Variants in RALGAPA1 observed in about 807,000 individuals in gnomAD.
The protein encoded by RALGAPA1 is ral GTPase-activating protein subunit alpha-1.
RALGAPA1 carries 52 observed loss-of-function variants against 269.6 expected under a neutral mutation model. The observed-to-expected ratio is 0.19, with a 90% CI of 0.15 to 0.24. The LOEUF (loss-of-function observed/expected upper bound fraction) is 0.24. Ranked by LOEUF, RALGAPA1 falls within the 10% of genes least tolerant of loss-of-function variation. The pLI, the probability that RALGAPA1 is intolerant of heterozygous loss-of-function variation, is 1.00. For synonymous variants in RALGAPA1, 817 were observed against 1,008.3 expected, an observed-to-expected ratio of 0.81 and a Z score of 3.60; for missense variants, 1,917 against 3,013.9, an observed-to-expected ratio of 0.64 and a Z score of 8.52.
In RALGAPA1 at chr14:35,559,958, A is replaced by C. The variant is rs1235160186; in HGVS notation, c.7496+10659T>G. Among the ~76,000 whole-genome samples the C allele has an allele frequency of 2.6e-5, 4 of 152,364 alleles. No homozygotes were observed. In the South Asian group the frequency reaches 8.3e-4, roughly 32 times the overall value. ...CTTTTAAAAATGATACATATGTATAAATACTATCAAACATTTAGAGATCTT... is the reference window on the plus strand; with the variant it reads ...CTTTTAAAAATGATACATATGTATACATACTATCAAACATTTAGAGATCTT... On this transcript the variant is annotated intron_variant, in intron 39 of 41. Coordinates refer to ENST00000680220, the MANE Select transcript of RALGAPA1 (RefSeq NM_001346249.2).
At chr14:35,629,152 T>C (rs1185593102) in intron 33 of RALGAPA1, among the ~76,000 whole-genome samples, 1 of 152,074 alleles carries the variant, frequency 6.6e-6, no homozygotes, top group Non-Finnish European at 1.5e-5. Flanking sequence ...GGAAGCCAGT[T>C]TGGGATTGAG....
intron 16 of RALGAPA1, among the ~76,000 whole-genome samples, chr14:35,719,998 C>T (rs560284870): frequency 8.5e-5 from 13 of 152,296 alleles, no homozygotes; most frequent in African/African-American, 2.4e-4. Context: ...GTGATCTGCC[C>T]GCCTTGGCCT....
intron 33 of RALGAPA1, 45 bp from the exon 34 acceptor site, chr14:35,627,996 A>G (rs375503036): frequency 1.9e-5 from 28 of 1,510,342 alleles, no homozygotes; most frequent in Non-Finnish European, 2.5e-5. Context: ...GCTGCTTCCT[A>G]GGGAATCATA....
At chr14:35,669,334 A>G (rs572336316) in intron 26 of RALGAPA1, among the ~76,000 whole-genome samples, 1 of 152,144 alleles carries the variant, frequency 6.6e-6, no homozygotes, top group East Asian at 1.9e-4. Flanking sequence ...GGCTCACTGC[A>G]AACTCTGCCT....
intron 31 of RALGAPA1, among the ~76,000 whole-genome samples, chr14:35,647,349 C>T (rs562123712): frequency 6.6e-6 from 1 of 152,208 alleles, no homozygotes; most frequent in East Asian, 1.9e-4. Context: ...AAACTCCTGG[C>T]CCATATACAG....
At chr14:35,625,903 T>C (rs2060963751) in intron 34 of RALGAPA1, among the ~76,000 whole-genome samples, 1 of 152,224 alleles carries the variant, frequency 6.6e-6, no homozygotes, top group Non-Finnish European at 1.5e-5. Context: ...ACCAAATCCC[T>C]TCCATGGGTG....
intron 35 of RALGAPA1, among the ~76,000 whole-genome samples, chr14:35,611,302 G>A (rs1425863974): frequency 2.0e-5 from 3 of 151,928 alleles, no homozygotes; most frequent in Non-Finnish European, 4.4e-5. Flanking sequence ...GAGGGGGCGA[G>A]ACCATTCTGG....
At chr14:35,723,938 T>A (rs2069661377) in intron 14 of RALGAPA1, 1 of 152,058 alleles carries the variant, frequency 6.6e-6, no homozygotes, top group Non-Finnish European at 1.5e-5. Context: ...ATAACGATTC[T>A]CAAAAGCTTA....
intron 21 of RALGAPA1, chr14:35,683,588 C>T (rs2065657196): frequency 2.5e-6 from 1 of 402,590 alleles, no homozygotes; most frequent in African/African-American, 2.0e-5. Flanking sequence ...CAAAATATTG[C>T]ATAAAATACT....
intron 31 of RALGAPA1, among the ~76,000 whole-genome samples, chr14:35,641,424 C>T (rs920728369): frequency 1.3e-5 from 2 of 152,070 alleles, no homozygotes; most frequent in Non-Finnish European, 2.9e-5. Flanking sequence ...AATCAACATA[C>T]AAAAATTAGT....
chr14:35,572,416 T>C (rs561810765), intron 38 of RALGAPA1, 144 bp downstream of exon 38: 2 of 539,668 alleles, frequency 3.7e-6, no homozygotes, highest in Non-Finnish European at 6.3e-6. Context: ...GCAATCCATG[T>C]AGCTACCAGG....
chr14:35,592,699 C>T (rs2058710729), intron 37 of RALGAPA1, among the ~76,000 whole-genome samples: 1 of 152,152 alleles, frequency 6.6e-6, no homozygotes, highest in South Asian at 2.1e-4. Flanking sequence ...TGATTTAACA[C>T]ACACAAATCA....
chr14:35,641,554 T>C (rs2062030982), intron 31 of RALGAPA1, among the ~76,000 whole-genome samples: 1 of 152,174 alleles, frequency 6.6e-6, no homozygotes, highest in Admixed American at 6.6e-5. Flanking sequence ...GAAAGATTTC[T>C]ACAATAAAAA....
chr14:35,643,266 G>A (rs1370954184), intron 31 of RALGAPA1, among the ~76,000 whole-genome samples: 1 of 152,006 alleles, frequency 6.6e-6, no homozygotes, highest in African/African-American at 2.4e-5. Flanking sequence ...CACTAACATG[G>A]CACATGTATA....
chr14:35,734,540 T>C (rs535737292), intron 12 of RALGAPA1, among the ~76,000 whole-genome samples: 40 of 152,262 alleles, frequency 2.6e-4, no homozygotes, highest in Non-Finnish European at 4.7e-4. Context: ...TCTAATCTTA[T>C]ACAAAAATCA....
chr14:35,713,967 C>A (rs999768544), intron 16 of RALGAPA1, among the ~76,000 whole-genome samples: 1 of 151,756 alleles, frequency 6.6e-6, no homozygotes, highest in African/African-American at 2.4e-5. Flanking sequence ...TGGTGGCAGG[C>A]GCCTGTAATC....
At position 35,688,676 on chromosome 14, in the gene RALGAPA1, T is replaced by A; in HGVS notation, c.3735A>T (p.Ala1245=). The change falls in exon 18 of 42, where the codon GCA becomes GCT. Residue 1245 remains alanine (A), a synonymous_variant. Transcript: ENST00000680220. ...PTTILQKEGI[A]SSQLGSRSTL... ...TACTACGACTACCTAATTGACTACT[T>A]GCAATTCCTTCTTTTTGTAATATGG... 3.4e-6 allele frequency: 5 copies of A among 1,489,378 alleles called. No homozygotes were observed. Among genetic ancestry groups the A allele is most frequent in the Middle Eastern group, 4.8e-4 (2 of 4,202 alleles). 92.3% of individuals were successfully genotyped at this position (1,489,378 alleles called of 1,614,324 possible). A position where few individuals can be genotyped will look rare whatever the true frequency, so the allele number is the denominator to read the frequency against.
intron 39 of RALGAPA1, among the ~76,000 whole-genome samples, chr14:35,562,239 C>T (rs1160664393): frequency 6.6e-6 from 1 of 152,160 alleles, no homozygotes; most frequent in Non-Finnish European, 1.5e-5. Flanking sequence ...ACCTCATCAG[C>T]GTCTAGACTC....
chr14:35,624,208 T>TA (rs780017500), intron 35 of RALGAPA1, among the ~76,000 whole-genome samples: 1,289 of 87,070 alleles, frequency 0.015, 42 homozygotes, highest in African/African-American at 0.04. Context: ...TCCAGTTCCG[T>TA]AAAAAAAAAA....
Sources: gnomAD v4.1 joint callset for allele counts (sites outside exome capture counted in the v4.1 genomes callset) on GRCh38, gnomAD v4.1.1 for gene constraint, MANE v1.5 for transcripts, NCBI Gene and HGNC (gene_info 2026-07-23, HGNC 2026-07-21) for gene names.